The following ANO3 variants were observed in gnomAD, a reference collection of about 807,000 sequenced individuals.
The protein encoded by ANO3 is anoctamin 3.
In ANO3, 99 loss-of-function variants were observed where a neutral mutation model predicts 144.8. That is an observed-to-expected ratio of 0.68 (90% confidence interval 0.58 to 0.81). The LOEUF is 0.81. ANO3 is among the 30% of genes least tolerant of loss of function. The probability of loss-of-function intolerance (pLI) is 0.00; values close to 1 mark genes in which losing one functional copy is unlikely to be tolerated. For synonymous variants in ANO3, 414 were observed against 392.6 expected, an observed-to-expected ratio of 1.05 and a Z score of -0.64; for missense variants, 905 against 1,202.2, an observed-to-expected ratio of 0.75 and a Z score of 3.66.
At chr11:26,273,020 G>A (rs1247578035) in intron 1 of ANO3, among the ~76,000 whole-genome samples, 5 of 152,062 alleles carry the variant, frequency 3.3e-5, no homozygotes, top group Non-Finnish European at 7.4e-5. Context: ...ATAATATTAA[G>A]TATTGAGCGT....
At chr11:26,367,417 C>G (rs1856123892) in intron 1 of ANO3, among the ~76,000 whole-genome samples, 1 of 152,186 alleles carries the variant, frequency 6.6e-6, no homozygotes, top group Admixed American at 6.5e-5. Flanking sequence ...GAGACCTCCT[C>G]AACCCAGCCT....
At chr11:26,607,825 G>A (rs1851977796) in intron 17 of ANO3, among the ~76,000 whole-genome samples, 2 of 152,156 alleles carry the variant, frequency 1.3e-5, no homozygotes, top group African/African-American at 4.8e-5. Context: ...ATTCTACATA[G>A]CACCTCCTCT....
intron 4 of ANO3, among the ~76,000 whole-genome samples, chr11:26,504,656 A>G (rs1565066490): frequency 6.6e-6 from 1 of 152,216 alleles, no homozygotes; most frequent in Non-Finnish European, 1.5e-5. Context: ...GAGGAGTTAC[A>G]TTATCTCATC....
chr11:26,593,949 C>T (rs1018170092), intron 14 of ANO3, among the ~76,000 whole-genome samples: 13 of 152,094 alleles, frequency 8.5e-5, no homozygotes, highest in African/African-American at 2.9e-4. Flanking sequence ...AAGTTTTGCT[C>T]GGGGCCTAAG....
chr11:26,344,753 A>G (rs1283000636), intron 1 of ANO3, among the ~76,000 whole-genome samples: 1 of 152,186 alleles, frequency 6.6e-6, no homozygotes, highest in East Asian at 1.9e-4. Flanking sequence ...TTTCTCCCAC[A>G]GTACTCCAAG....
chr11:26,592,618 T>G (rs578009565), intron 14 of ANO3, among the ~76,000 whole-genome samples: 101 of 149,118 alleles, frequency 6.8e-4, no homozygotes, highest in Non-Finnish European at 1.2e-3. Flanking sequence ...GGTAATGGCC[T>G]GTTCTTTGTT....
intron 4 of ANO3, among the ~76,000 whole-genome samples, chr11:26,470,428 G>GAA (rs556291072): frequency 7.6e-6 from 1 of 132,226 alleles, no homozygotes; most frequent in Non-Finnish European, 1.7e-5. Context: ...AAAAAAAACA[G>GAA]AAAAAAAAAA....
At chr11:26,486,068 TA>T (rs147645311) in intron 4 of ANO3, among the ~76,000 whole-genome samples, 37 of 151,468 alleles carry the variant, frequency 2.4e-4, no homozygotes, top group African/African-American at 8.5e-4. Context: ...TTTATTTATT[TA>T]AAAAAAAATC....
chr11:26,392,617 G>A (rs911602695), intron 1 of ANO3, among the ~76,000 whole-genome samples: 3 of 152,012 alleles, frequency 2.0e-5, no homozygotes, highest in African/African-American at 7.2e-5. Flanking sequence ...GGCTGGTACA[G>A]TAAGGTACAA....
chr11:26,307,219 T>G (rs1854403965), upstream of ANO3, among the ~76,000 whole-genome samples: 1 of 151,880 alleles, frequency 6.6e-6, no homozygotes, highest in Admixed American at 6.6e-5. Flanking sequence ...CCAGTCGTGG[T>G]GGCACATATC....
Position 26,661,739 on chromosome 11 carries a change from T to G in ANO3, c.*1295T>G, listed in dbSNP as rs546961578. 1 of 152,222 alleles carries G rather than the reference T, an allele frequency of 6.6e-6. No homozygotes were observed. Among genetic ancestry groups the G allele is most frequent in the African/African-American group, 2.4e-5 (1 of 41,546 alleles). 9.4% of individuals were successfully genotyped at this position (152,222 alleles called of 1,614,324 possible). ...TTGTTGTGGAATTTCTATTTCAACG[T>G]CAACTCTGTATCTATGAGTATGTCT... On this transcript the variant is annotated 3_prime_UTR_variant, in exon 27 of 27. Coordinates refer to ENST00000256737, the MANE Select transcript of ANO3 (RefSeq NM_031418.4).
upstream of ANO3, among the ~76,000 whole-genome samples, chr11:26,306,130 T>C (rs897153191): frequency 2.2e-5 from 3 of 137,464 alleles, no homozygotes; most frequent in South Asian, 2.2e-4. Flanking sequence ...GGATAATTTT[T>C]TTTTTTTTTT....
At chr11:26,380,571 C>G (rs866043799) in intron 1 of ANO3, among the ~76,000 whole-genome samples, 1 of 152,152 alleles carries the variant, frequency 6.6e-6, no homozygotes, top group South Asian at 2.1e-4. Flanking sequence ...CTCCCTGAAA[C>G]CTCTTTTACA....
intron 17 of ANO3, among the ~76,000 whole-genome samples, chr11:26,605,162 A>G (rs1308567472): frequency 6.6e-6 from 1 of 152,138 alleles, no homozygotes; most frequent in Non-Finnish European, 1.5e-5. Context: ...TTCTGCATCT[A>G]TTGAGATAAC....
At chr11:26,398,029 G>A (rs1251905589) in intron 1 of ANO3, among the ~76,000 whole-genome samples, 1 of 151,834 alleles carries the variant, frequency 6.6e-6, no homozygotes, top group African/African-American at 2.4e-5. Flanking sequence ...AAAATCCTTG[G>A]AAATAAAAGT....
chr11:26,257,305 G>C (rs1052859850), intron 1 of ANO3, among the ~76,000 whole-genome samples: 9 of 151,846 alleles, frequency 5.9e-5, no homozygotes, highest in Non-Finnish European at 1.2e-4. Context: ...TTTTATAGGA[G>C]GCTTGATGAT....
chr11:26,631,862 C>T (rs75353470), intron 18 of ANO3, among the ~76,000 whole-genome samples: 11,173 of 151,910 alleles, frequency 0.074, 612 homozygotes, highest in South Asian at 0.16. Context: ...CTGAAAAATC[C>T]ATAGCCAAAA....
chr11:26,629,842 G>A (rs1252103999), intron 18 of ANO3, among the ~76,000 whole-genome samples: 1 of 152,070 alleles, frequency 6.6e-6, no homozygotes. Flanking sequence ...TGTTAGTCAG[G>A]CTGGTCTCGA....
At chr11:26,580,677 C>T (rs1369186902) in intron 14 of ANO3, among the ~76,000 whole-genome samples, 1 of 152,182 alleles carries the variant, frequency 6.6e-6, no homozygotes, top group Non-Finnish European at 1.5e-5. Flanking sequence ...ACATATTTAA[C>T]TACACTATAT....
Sources: allele counts gnomAD v4.1 joint callset (sites outside exome capture counted in the v4.1 genomes callset), GRCh38; gene constraint gnomAD v4.1.1; transcripts MANE v1.5; gene names NCBI Gene and HGNC (gene_info 2026-07-23, HGNC 2026-07-21).